The following AGBL4 variants were observed in gnomAD, a reference collection of about 807,000 sequenced individuals.
The protein encoded by AGBL4 is AGBL carboxypeptidase 4, also known as cytosolic carboxypeptidase 6.
Under a neutral mutation model 66.4 loss-of-function variants are expected in AGBL4, and 58 were observed. The observed-to-expected ratio is 0.87, with a 90% CI of 0.71 to 1.09. The LOEUF (loss-of-function observed/expected upper bound fraction) is 1.09. Ranked by LOEUF, AGBL4 falls within the 50% of genes least tolerant of loss-of-function variation. The pLI, the probability that AGBL4 is intolerant of heterozygous loss-of-function variation, is 0.00. For synonymous variants in AGBL4, 234 were observed against 222.9 expected (o/e 1.05, Z -0.44); for missense variants, 579 against 631.0 (o/e 0.92, Z 0.88).
Position 49,846,151 on chromosome 1 carries a change from G to T in AGBL4, c.157+5245C>A, listed in dbSNP as rs1156344453. 3 of 1,459,748 alleles carry T rather than the reference G, an allele frequency of 2.1e-6. No homozygotes were observed. The African/African-American group carries it at 4.2e-5, about 20-fold the overall frequency. 90.4% of individuals were successfully genotyped at this position (1,459,748 alleles called of 1,614,324 possible). A position where few individuals can be genotyped will look rare whatever the true frequency, so the allele number is the denominator to read the frequency against. ...ACCAGAGGATTCATACCAAGGAAAA[G>T]CCCTATGGGTTCAATAAGTGTGGGA... On this transcript the variant is annotated intron_variant, in intron 2 of 13. Coordinates refer to ENST00000371839, the MANE Select transcript of AGBL4 (RefSeq NM_032785.4).
intron 3 of AGBL4, among the ~76,000 whole-genome samples, chr1:49,335,557 C>T (rs1645417518): frequency 6.6e-6 from 1 of 151,874 alleles, no homozygotes; most frequent in Non-Finnish European, 1.5e-5. Flanking sequence ...GCTCTGTTGC[C>T]CAGCCTGGAG....
rs573061241 is a variant in AGBL4, at chr1:49,052,563, G to T, written c.378-6763C>A. Among the ~76,000 whole-genome samples the T allele has an allele frequency of 1.7e-3, 253 of 152,276 alleles. 1 individual carries two copies. Among genetic ancestry groups the T allele is most frequent in the African/African-American group, 5.7e-3 (237 of 41,570 alleles). On this transcript the variant is annotated intron_variant, in intron 4 of 13. Transcript: ENST00000371839. ...GACTGTGTTTTCAAAACTGTCATTT[G>T]CTGGGGTATGGGATGGTACATGAGG...
intron 5 of AGBL4, among the ~76,000 whole-genome samples, chr1:49,038,435 A>C (rs1475034217): frequency 6.6e-6 from 1 of 152,058 alleles, no homozygotes; most frequent in Non-Finnish European, 1.5e-5. Context: ...GCATAAACAC[A>C]GGGTTGATTC....
chr1:49,761,219 G>T (rs1443910776), intron 2 of AGBL4, among the ~76,000 whole-genome samples: 1 of 150,980 alleles, frequency 6.6e-6, no homozygotes, highest in Admixed American at 6.6e-5. Flanking sequence ...ATGAACAAAA[G>T]AATCTGAAAT....
At chr1:49,786,440 G>A (rs192144114) in intron 2 of AGBL4, among the ~76,000 whole-genome samples, 2 of 152,192 alleles carry the variant, frequency 1.3e-5, no homozygotes, top group East Asian at 1.9e-4. Flanking sequence ...ATATCTCTGA[G>A]CTTCTTAACA....
At chr1:49,684,889 T>A (rs558624299) in intron 3 of AGBL4, among the ~76,000 whole-genome samples, 1 of 152,282 alleles carries the variant, frequency 6.6e-6, no homozygotes, top group Admixed American at 6.5e-5. Context: ...GTGATAAACT[T>A]TCATTTTTAT....
rs184115923 is a variant in AGBL4 at position 49,350,820 on chromosome 1, T to C, written c.283-104956A>G. Among the ~76,000 whole-genome samples, 6 of 152,172 alleles carry C rather than the reference T, an allele frequency of 3.9e-5. No individual in the cohort carries two copies. In the East Asian group the frequency reaches 1.2e-3, roughly 30 times the overall value. ...CATTCTTATACCTTTGTGTTCTCAA[T>C]AGGACCAGGACAGGACTCTTCCTGC... On this transcript the variant is annotated intron_variant, in intron 3 of 13. Coordinates refer to ENST00000371839, the MANE Select transcript of AGBL4 (RefSeq NM_032785.4).
intron 3 of AGBL4, among the ~76,000 whole-genome samples, chr1:49,439,887 A>G (rs182265821): frequency 1.7e-3 from 265 of 152,244 alleles, no homozygotes; most frequent in Non-Finnish European, 2.6e-3. Context: ...TACACTTTTC[A>G]CATGTATATA....
chr1:48,925,303 C>T (rs1320483262), intron 5 of AGBL4, among the ~76,000 whole-genome samples: 4 of 152,038 alleles, frequency 2.6e-5, no homozygotes, highest in African/African-American at 9.7e-5. Context: ...GCACATAACC[C>T]ATGCATATAC....
At chr1:49,431,438 A>T (rs1645783788) in intron 3 of AGBL4, among the ~76,000 whole-genome samples, 1 of 152,194 alleles carries the variant, frequency 6.6e-6, no homozygotes. Context: ...CTTTTCTCTA[A>T]TCAAAATTAA....
At chr1:48,987,028 TAAAC>T (rs1359028500) in intron 5 of AGBL4, among the ~76,000 whole-genome samples, 3 of 151,470 alleles carry the variant, frequency 2.0e-5, no homozygotes, top group African/African-American at 7.3e-5. Flanking sequence ...TAGTATCTAA[TAAAC>T]CAACAAAGGA....
chr1:49,738,484 G>A (rs1349484808), intron 2 of AGBL4, among the ~76,000 whole-genome samples: 1 of 152,136 alleles, frequency 6.6e-6, no homozygotes. Flanking sequence ...TGGGGGCAGG[G>A]CATAGCCAAA....
chr1:49,997,545 C>T (rs185374145), intron 1 of AGBL4, among the ~76,000 whole-genome samples: 36 of 151,972 alleles, frequency 2.4e-4, no homozygotes, highest in African/African-American at 8.4e-4. Context: ...ACTGGAGCTC[C>T]CATTTATAAA....
At chr1:49,690,401 C>T (rs902367430) in intron 3 of AGBL4, among the ~76,000 whole-genome samples, 3 of 152,088 alleles carry the variant, frequency 2.0e-5, no homozygotes, top group African/African-American at 7.2e-5. Context: ...TTCTTGCTTG[C>T]TTTCAATAGT....
At chr1:49,357,927 A>G (rs1644053925) in intron 3 of AGBL4, among the ~76,000 whole-genome samples, 1 of 152,056 alleles carries the variant, frequency 6.6e-6, no homozygotes, top group South Asian at 2.1e-4. Flanking sequence ...TCTGAATTCT[A>G]AACATCCTCT....
intron 8 of AGBL4, among the ~76,000 whole-genome samples, chr1:48,651,862 G>C (rs1207826645): frequency 2.0e-5 from 3 of 152,194 alleles, no homozygotes; most frequent in Non-Finnish European, 4.4e-5. Flanking sequence ...CTGGGACTCA[G>C]TTTCTTCATT....
chr1:48,524,250 C>G, the AGBL4 span, among the ~76,000 whole-genome samples: 2 of 152,154 alleles, frequency 1.3e-5, no homozygotes, highest in Admixed American at 6.5e-5. Flanking sequence ...GGAGAACTAC[C>G]TCTCACTTCT....
chr1:49,220,339 C>T (rs1355104363), intron 4 of AGBL4, among the ~76,000 whole-genome samples: 1 of 152,144 alleles, frequency 6.6e-6, no homozygotes, highest in African/African-American at 2.4e-5. Flanking sequence ...TGAACATGAT[C>T]CTTGTCATCA....
intron 3 of AGBL4, among the ~76,000 whole-genome samples, chr1:49,531,677 T>A (rs76622150): frequency 2.0e-5 from 3 of 152,068 alleles, no homozygotes; most frequent in Admixed American, 2.0e-4. Context: ...TATTTACAGA[T>A]AAGACAACTG....
Sources: gnomAD v4.1 joint callset for allele counts (sites outside exome capture counted in the v4.1 genomes callset) on GRCh38, gnomAD v4.1.1 for gene constraint, MANE v1.5 for transcripts, NCBI Gene and HGNC (gene_info 2026-07-23, HGNC 2026-07-21) for gene names.